Variants in MYO16 observed in about 807,000 individuals in gnomAD.
MYO16 encodes the protein unconventional myosin-XVI.
Under a neutral mutation model 205.3 loss-of-function variants are expected in MYO16, and 94 were observed. That is an observed-to-expected ratio of 0.46 (90% confidence interval 0.39 to 0.54). The LOEUF (loss-of-function observed/expected upper bound fraction) is 0.54, where lower values mean the gene tolerates loss of function less well. Ranked by LOEUF, MYO16 falls within the 20% of genes least tolerant of loss-of-function variation. The probability of loss-of-function intolerance (pLI) is 0.00; values close to 1 mark genes in which losing one functional copy is unlikely to be tolerated. For synonymous variants in MYO16, 988 were observed against 954.0 expected (o/e 1.04, Z -0.66); for missense variants, 2,315 against 2,387.5 (o/e 0.97, Z 0.63).
intron 33 of MYO16, among the ~76,000 whole-genome samples, chr13:109,172,193 T>C (rs767006536): frequency 2.0e-5 from 3 of 152,198 alleles, no homozygotes; most frequent in Admixed American, 6.5e-5. Flanking sequence ...AACATCACTT[T>C]CTTTATGGAG....
intron 3 of MYO16, among the ~76,000 whole-genome samples, chr13:108,719,648 C>T (rs1191172519): frequency 6.6e-6 from 1 of 152,160 alleles, no homozygotes; most frequent in Non-Finnish European, 1.5e-5. Context: ...ATATGAATGT[C>T]TCACCCCAGG....
At chr13:108,720,776 A>G (rs1884133429) in intron 3 of MYO16, among the ~76,000 whole-genome samples, 1 of 152,252 alleles carries the variant, frequency 6.6e-6, no homozygotes, top group African/African-American at 2.4e-5. Context: ...AAGTCATGTT[A>G]AAATAGATCC....
At chr13:109,116,568 C>G (rs1426703704) in intron 28 of MYO16, among the ~76,000 whole-genome samples, 1 of 152,178 alleles carries the variant, frequency 6.6e-6, no homozygotes, top group East Asian at 1.9e-4. Context: ...TACCGACCAT[C>G]AAGAACTTCC....
the MYO16 span, among the ~76,000 whole-genome samples, chr13:108,538,052 C>G: frequency 6.6e-6 from 1 of 152,028 alleles, no homozygotes; most frequent in African/African-American, 2.4e-5. Context: ...GTTGCCTTTG[C>G]TTTGGAGATC....
At chr13:108,990,328 C>T (rs1884786786) in intron 20 of MYO16, among the ~76,000 whole-genome samples, 1 of 152,086 alleles carries the variant, frequency 6.6e-6, no homozygotes, top group African/African-American at 2.4e-5. Context: ...GAACAGAAAA[C>T]TGGAGAGACA....
At chr13:108,595,147 G>C (rs1878510472), upstream of MYO16, among the ~76,000 whole-genome samples, 2 of 152,226 alleles carry the variant, frequency 1.3e-5, no homozygotes, top group Non-Finnish European at 2.9e-5. Flanking sequence ...TGAGTACATG[G>C]CATCTCTCTT....
chr13:108,746,285 A>G (rs1257178606), intron 4 of MYO16, among the ~76,000 whole-genome samples: 1 of 152,226 alleles, frequency 6.6e-6, no homozygotes, highest in Admixed American at 6.5e-5. Flanking sequence ...GGACATAGGC[A>G]AGGAACAGTG....
intron 1 of MYO16, among the ~76,000 whole-genome samples, chr13:108,619,707 C>G (rs75355703): frequency 0.014 from 2,192 of 152,200 alleles, 53 homozygotes; most frequent in South Asian, 0.073. Flanking sequence ...CCCTTGAACA[C>G]TTATTTTCTA....
intron 16 of MYO16, among the ~76,000 whole-genome samples, chr13:108,955,682 C>T (rs1883321816): frequency 6.6e-6 from 1 of 152,296 alleles, no homozygotes; most frequent in Non-Finnish European, 1.5e-5. Flanking sequence ...GAAAACTCGT[C>T]TCTACTAAAA....
At chr13:108,911,042 C>CAG in intron 16 of MYO16, among the ~76,000 whole-genome samples, 1 of 110,708 alleles carries the variant, frequency 9.0e-6, no homozygotes, top group African/African-American at 3.3e-5. Context: ...AAAACACACA[C>CAG]ACACACACAC....
At chr13:108,670,670 T>C (rs1486921631) in intron 2 of MYO16, among the ~76,000 whole-genome samples, 4 of 152,216 alleles carry the variant, frequency 2.6e-5, no homozygotes, top group African/African-American at 9.6e-5. Flanking sequence ...TCAAATGTGA[T>C]TCAAGAATTT....
intron 4 of MYO16, among the ~76,000 whole-genome samples, chr13:108,769,870 C>T (rs1317205359): frequency 1.3e-5 from 2 of 152,148 alleles, no homozygotes; most frequent in African/African-American, 4.8e-5. Flanking sequence ...ATGTATTAAG[C>T]ACCCTAATAA....
At chr13:109,142,199 C>A (rs370529375) in intron 32 of MYO16, among the ~76,000 whole-genome samples, 1 of 152,236 alleles carries the variant, frequency 6.6e-6, no homozygotes, top group African/African-American at 2.4e-5. Context: ...GCCAAAGGCA[C>A]TGCTTTTGCA....
intron 8 of MYO16, among the ~76,000 whole-genome samples, chr13:108,822,833 T>C (rs2139020754): frequency 6.6e-6 from 1 of 152,286 alleles, no homozygotes; most frequent in South Asian, 2.1e-4. Context: ...TGACATTAAG[T>C]TTGCTCAAGC....
chr13:108,702,328 G>A (rs181246634), intron 2 of MYO16, among the ~76,000 whole-genome samples: 1 of 152,264 alleles, frequency 6.6e-6, no homozygotes, highest in African/African-American at 2.4e-5. Context: ...ATGTACAAGG[G>A]TTCCTCCAGA....
intron 34 of MYO16, among the ~76,000 whole-genome samples, chr13:109,191,206 C>G (rs556575728): frequency 2.6e-5 from 4 of 151,276 alleles, no homozygotes; most frequent in Non-Finnish European, 5.9e-5. Flanking sequence ...GGGACAAGAG[C>G]GAAACTCTGT....
intron 20 of MYO16, among the ~76,000 whole-genome samples, chr13:108,977,170 G>T (rs1467415383): frequency 6.6e-6 from 1 of 152,084 alleles, no homozygotes; most frequent in East Asian, 1.9e-4. Flanking sequence ...AGTTCATATG[G>T]TTTTTGAAAT....
chr13:108,587,537 T>A, the MYO16 span, among the ~76,000 whole-genome samples: 33 of 152,148 alleles, frequency 2.2e-4, no homozygotes, highest in Admixed American at 2.0e-3. Context: ...ACAGCAAGTT[T>A]TAGCAACAAA....
At chr13:108,885,207 C>A (rs1374011478) in intron 13 of MYO16, among the ~76,000 whole-genome samples, 2 of 152,304 alleles carry the variant, frequency 1.3e-5, no homozygotes, top group East Asian at 3.9e-4. Context: ...GCTACCTCTG[C>A]CTCCTGGGTT....
Sources: allele counts gnomAD v4.1 joint callset (sites outside exome capture counted in the v4.1 genomes callset), GRCh38; gene constraint gnomAD v4.1.1; transcripts MANE v1.5; gene names NCBI Gene and HGNC (gene_info 2026-07-23, HGNC 2026-07-21).